ALDH18A1: variants seen among roughly 807,000 people sequenced by gnomAD.
The protein encoded by ALDH18A1 is aldehyde dehydrogenase 18 family member A1, also known as delta-1-pyrroline-5-carboxylate synthase.
In ALDH18A1, 44 loss-of-function variants were observed where a neutral mutation model predicts 88.8. The observed-to-expected ratio is 0.50, with a 90% CI of 0.39 to 0.64. The LOEUF (loss-of-function observed/expected upper bound fraction) is 0.64. Among genes scored for constraint, ALDH18A1 ranks in the 30% least tolerant of loss-of-function variants. The pLI, the probability that ALDH18A1 is intolerant of heterozygous loss-of-function variation, is 0.00. For missense variants in ALDH18A1, 782 were observed against 1,009.5 expected (o/e 0.77, Z 3.05); for synonymous variants, 331 against 372.1 (o/e 0.89, Z 1.27).
At chr10:95,650,214 A>G (rs761580831) in intron 2 of ALDH18A1, among the ~76,000 whole-genome samples, 1 of 152,248 alleles carries the variant, frequency 6.6e-6, no homozygotes, top group African/African-American at 2.4e-5. Flanking sequence ...CCATAAAAAC[A>G]AAAGCTGATA....
intron 11 of ALDH18A1, among the ~76,000 whole-genome samples, chr10:95,623,868 A>C (rs1358541781): frequency 6.6e-6 from 1 of 152,016 alleles, no homozygotes; most frequent in Admixed American, 6.6e-5. Context: ...CCTAGCTGTA[A>C]TTTTTGTATT....
At chr10:95,621,535 C>T (rs1284470423) in intron 11 of ALDH18A1, among the ~76,000 whole-genome samples, 2 of 152,038 alleles carry the variant, frequency 1.3e-5, no homozygotes, top group Admixed American at 1.3e-4. Context: ...TGATCTCGAA[C>T]TCCTCAACTC....
chr10:95,638,052 C>T (rs888560501), intron 3 of ALDH18A1, among the ~76,000 whole-genome samples: 3 of 152,136 alleles, frequency 2.0e-5, no homozygotes, highest in Non-Finnish European at 2.9e-5. Flanking sequence ...CTTGCTCTGT[C>T]GCCCAGGCTG....
chr10:95,615,000 C>T (rs528652751), intron 13 of ALDH18A1, among the ~76,000 whole-genome samples: 12 of 152,256 alleles, frequency 7.9e-5, no homozygotes, highest in South Asian at 2.1e-4. Context: ...GCAACATAAA[C>T]GTGTGTTTTG....
intron 12 of ALDH18A1, 76 bp from the exon 13 acceptor site, chr10:95,616,690 A>G (rs2097844851): frequency 1.3e-6 from 2 of 1,534,370 alleles, no homozygotes. Context: ...ATTCACAAGC[A>G]CTCCTTCTGT....
At chr10:95,640,738 A>G (rs1398680391) in intron 3 of ALDH18A1, among the ~76,000 whole-genome samples, 2 of 152,210 alleles carry the variant, frequency 1.3e-5, no homozygotes, top group Non-Finnish European at 2.9e-5. Context: ...TAAGATGTCT[A>G]TTAGTCAGGC....
In ALDH18A1 at chr10:95,606,712, A is replaced by G. The variant is rs1161292040; in HGVS notation, c.*50T>C. 1 of 1,613,804 alleles carries G rather than the reference A, an allele frequency of 6.2e-7. No homozygotes were observed. Among genetic ancestry groups the G allele is most frequent in the Non-Finnish European group, 8.5e-7 (1 of 1,179,872 alleles). ...GCGGGCTCTCTCCTGAGATAAGACA[A>G]GTTTAACGTGAAGACCTTTTGGAAA... is the stretch of plus-strand genomic sequence containing the variant. On this transcript the variant is annotated 3_prime_UTR_variant, in exon 18 of 18. Coordinates refer to ENST00000371224, the MANE Select transcript of ALDH18A1 (RefSeq NM_002860.4).
Position 95,613,836 on chromosome 10 carries a change from G to C in ALDH18A1, c.1829C>G (p.Ala610Gly), listed in dbSNP as rs2097840066. 1 of 1,614,180 alleles carries C rather than the reference G, an allele frequency of 6.2e-7. No individual in the cohort carries two copies. Among genetic ancestry groups the C allele is most frequent in the African/African-American group, 1.3e-5 (1 of 75,050 alleles). The change falls in exon 15 of 18, where the codon GCT becomes GGT. Residue 610 changes from alanine to glycine, a missense_variant. Coordinates refer to ENST00000371224, the MANE Select transcript of ALDH18A1 (RefSeq NM_002860.4). Reference protein sequence around the residue: ...LVRDSKCEYPAACNALETLLI... With the variant: ...LVRDSKCEYPGACNALETLLI... Reference sequence around the variant, plus strand: ...CAAAGTCTCCAAAGCATTACAGGCAGCTGGATATTCACATTTAGAGTCTCT... The same window carrying C: ...CAAAGTCTCCAAAGCATTACAGGCACCTGGATATTCACATTTAGAGTCTCT...
At chr10:95,640,301 T>G (rs919022149) in intron 3 of ALDH18A1, among the ~76,000 whole-genome samples, 6 of 152,154 alleles carry the variant, frequency 3.9e-5, no homozygotes, top group Middle Eastern at 6.8e-3. Context: ...AATTATGAAC[T>G]CATGGATTTA....
At chr10:95,608,513 T>C (rs1320649308) in intron 17 of ALDH18A1, among the ~76,000 whole-genome samples, 1 of 152,250 alleles carries the variant, frequency 6.6e-6, no homozygotes, top group Non-Finnish European at 1.5e-5. Context: ...TCTGTTTTGT[T>C]TTGTTATACA....
At chr10:95,628,765 A>G (rs1035307741) in intron 7 of ALDH18A1, 6 of 436,200 alleles carry the variant, frequency 1.4e-5, no homozygotes, top group Admixed American at 3.5e-5. Flanking sequence ...AACATTTATT[A>G]GCCCTGCCCA....
chr10:95,633,701 TC>T, intron 5 of ALDH18A1, 52 bp from the exon 6 acceptor site: 1 of 1,597,296 alleles, frequency 6.3e-7, no homozygotes, highest in South Asian at 1.1e-5. Flanking sequence ...ACGCTAAACT[TC>T]CCAGTATACA....
chr10:95,655,114 T>C (rs1045150097), intron 1 of ALDH18A1, among the ~76,000 whole-genome samples: 3 of 114,324 alleles, frequency 2.6e-5, no homozygotes, highest in African/African-American at 9.0e-5. Flanking sequence ...TTGTGGAGAG[T>C]TACCCAATTT....
At chr10:95,639,912 G>A (rs1447141499) in intron 3 of ALDH18A1, among the ~76,000 whole-genome samples, 1 of 149,522 alleles carries the variant, frequency 6.7e-6, no homozygotes, top group Non-Finnish European at 1.5e-5. Flanking sequence ...CTGCTGTTTG[G>A]TATGAAGGCT....
chr10:95,622,572 C>T (rs978210138), intron 11 of ALDH18A1, among the ~76,000 whole-genome samples: 1 of 152,034 alleles, frequency 6.6e-6, no homozygotes, highest in Non-Finnish European at 1.5e-5. Flanking sequence ...GAGTCTCGCT[C>T]TGTCGCCCAG....
chr10:95,628,576 CT>C, intron 7 of ALDH18A1, 84 bp from the exon 8 acceptor site: 1 of 1,518,326 alleles, frequency 6.6e-7, no homozygotes, highest in Non-Finnish European at 9.0e-7. Context: ...GCCAATCACT[CT>C]GTACTTTACT....
chr10:95,620,985 C>G lies in ALDH18A1; in HGVS notation c.1467+46G>C, dbSNP rs752738238. 3.2e-6 allele frequency: 5 copies of G among 1,568,482 alleles called. No individual in the cohort carries two copies. The African/African-American group carries it at 6.8e-5, about 21-fold the overall frequency. Reference sequence around the variant, plus strand: ...TATATTCTTCCTCCAATATCCACACCAGCCCCCAATGGCAGGGTATTTATT... The same window carrying G: ...TATATTCTTCCTCCAATATCCACACGAGCCCCCAATGGCAGGGTATTTATT... On this transcript the variant is annotated intron_variant, in intron 12 of 17. Transcript: ENST00000371224.
intron 17 of ALDH18A1, among the ~76,000 whole-genome samples, chr10:95,609,078 T>C (rs1255924487): frequency 1.3e-5 from 2 of 152,186 alleles, no homozygotes; most frequent in Non-Finnish European, 2.9e-5. Flanking sequence ...TTTCTCTATG[T>C]TGGTCACGCT....
intron 15 of ALDH18A1, among the ~76,000 whole-genome samples, chr10:95,613,514 C>A (rs1321030579): frequency 6.6e-6 from 1 of 152,192 alleles, no homozygotes; most frequent in African/African-American, 2.4e-5. Context: ...CTCTTTAGCA[C>A]ACAACACATT....
Sources: allele counts gnomAD v4.1 joint callset (sites outside exome capture counted in the v4.1 genomes callset), GRCh38; gene constraint gnomAD v4.1.1; transcripts MANE v1.5; gene names NCBI Gene and HGNC (gene_info 2026-07-23, HGNC 2026-07-21).